Variants in HYCC2 observed in about 807,000 individuals in gnomAD.
HYCC2 encodes the protein hyccin 2.
chr2:201,018,532 A>G, the HYCC2 span, among the ~76,000 whole-genome samples: 1 of 152,234 alleles, frequency 6.6e-6, no homozygotes, highest in Non-Finnish European at 1.5e-5. Flanking sequence ...ATCCATGTCA[A>G]TTATACAGTT....
the HYCC2 span, among the ~76,000 whole-genome samples, chr2:201,048,693 T>A: frequency 6.6e-6 from 1 of 152,022 alleles, no homozygotes; most frequent in African/African-American, 2.4e-5. Context: ...GCACAGTCCT[T>A]AAAAAAGACA....
chr2:200,981,044 G>C, the HYCC2 span: 1 of 587,008 alleles, frequency 1.7e-6, no homozygotes, highest in Non-Finnish European at 3.0e-6. The surrounding 1 kb of genome is among the most constrained non-coding windows in gnomAD (Gnocchi z 4.5). Context: ...ATTTTATACT[G>C]CTTCACAAAC....
the HYCC2 span, among the ~76,000 whole-genome samples, chr2:201,065,261 T>A: frequency 3.9e-5 from 6 of 152,366 alleles, no homozygotes; most frequent in South Asian, 1.2e-3. Context: ...CCCATTCAAG[T>A]TGTTACATTT....
chr2:200,989,681 G>A, the HYCC2 span, among the ~76,000 whole-genome samples: 1 of 152,076 alleles, frequency 6.6e-6, no homozygotes, highest in South Asian at 2.1e-4. Flanking sequence ...GGGTGTGCTG[G>A]TATGCACCTG....
At chr2:201,017,246 C>T in the HYCC2 span, 6 of 1,034,484 alleles carry the variant, frequency 5.8e-6, no homozygotes, top group Non-Finnish European at 8.2e-6. Flanking sequence ...TTTAAGGCAC[C>T]TATATCTGTA....
the HYCC2 span, among the ~76,000 whole-genome samples, chr2:200,985,257 C>CT: frequency 6.6e-6 from 1 of 151,630 alleles, no homozygotes; most frequent in Non-Finnish European, 1.5e-5. Context: ...TTTTTTATTC[C>CT]TTTTTGTATT....
chr2:201,046,559 T>C, the HYCC2 span, among the ~76,000 whole-genome samples: 3 of 152,168 alleles, frequency 2.0e-5, no homozygotes, highest in African/African-American at 4.8e-5. Context: ...CTTGGGAATT[T>C]TGAACCACAA....
chr2:201,040,277 A>C, the HYCC2 span, among the ~76,000 whole-genome samples: 1 of 152,026 alleles, frequency 6.6e-6, no homozygotes, highest in African/African-American at 2.4e-5. Context: ...CAGGTGGCAC[A>C]ATGTAGTGGT....
At chr2:201,023,461 T>C in the HYCC2 span, among the ~76,000 whole-genome samples, 1 of 152,206 alleles carries the variant, frequency 6.6e-6, no homozygotes, top group African/African-American at 2.4e-5. Context: ...AATCACACAT[T>C]ATACCAACAT....
the HYCC2 span, chr2:200,996,221 G>T: frequency 1.3e-5 from 2 of 151,862 alleles, no homozygotes; most frequent in Admixed American, 1.3e-4. Flanking sequence ...ATAGAGACAG[G>T]GTTTCACCAC....
the HYCC2 span, among the ~76,000 whole-genome samples, chr2:201,060,499 T>C: frequency 1.3e-5 from 2 of 152,184 alleles, no homozygotes; most frequent in South Asian, 2.1e-4. Flanking sequence ...AGAACATAAA[T>C]GTGATGGCTG....
chr2:200,985,529 G>T, the HYCC2 span, among the ~76,000 whole-genome samples: 13 of 151,998 alleles, frequency 8.6e-5, no homozygotes, highest in Non-Finnish European at 1.8e-4. Flanking sequence ...CGGCTGTGGT[G>T]GCGTGCCTGT....
chr2:200,981,018 C>A, the HYCC2 span: 2 of 515,616 alleles, frequency 3.9e-6, no homozygotes, highest in Non-Finnish European at 7.0e-6. The surrounding 1 kb of genome is among the most constrained non-coding windows in gnomAD (Gnocchi z 4.5). Flanking sequence ...GAAAGGAAGG[C>A]ATGGAAAAGG....
chr2:201,032,530 T>C, the HYCC2 span, among the ~76,000 whole-genome samples: 2 of 152,246 alleles, frequency 1.3e-5, no homozygotes, highest in African/African-American at 2.4e-5. Flanking sequence ...TGTCTTAGTA[T>C]AAATTTTGTA....
At chr2:200,986,018 A>G in the HYCC2 span, among the ~76,000 whole-genome samples, 1 of 152,212 alleles carries the variant, frequency 6.6e-6, no homozygotes, top group Non-Finnish European at 1.5e-5. Context: ...AGGAATGTTC[A>G]GTTTAGGCCA....
chr2:201,008,427 C>T, the HYCC2 span, among the ~76,000 whole-genome samples: 1 of 152,164 alleles, frequency 6.6e-6, no homozygotes, highest in East Asian at 1.9e-4. Flanking sequence ...TCATACCAAA[C>T]TTGAACTGAA....
At chr2:201,066,449 C>T in the HYCC2 span, among the ~76,000 whole-genome samples, 5 of 152,180 alleles carry the variant, frequency 3.3e-5, no homozygotes, top group South Asian at 2.1e-4. Flanking sequence ...CCCATCCCCA[C>T]ACCTTTTTTC....
At chr2:201,023,910 AC>A in the HYCC2 span, 2 of 1,359,076 alleles carry the variant, frequency 1.5e-6, no homozygotes, top group Non-Finnish European at 2.1e-6. Flanking sequence ...AGTTTGAATT[AC>A]TGATGTATAG....
chr2:201,049,964 T>G, the HYCC2 span, among the ~76,000 whole-genome samples: 1 of 152,108 alleles, frequency 6.6e-6, no homozygotes, highest in Non-Finnish European at 1.5e-5. Context: ...CCTGCCAAAG[T>G]GCTGGGATTA....
Sources: gnomAD v4.1 joint callset for allele counts (sites outside exome capture counted in the v4.1 genomes callset) on GRCh38, gnomAD v4.1.1 for gene constraint, Gnocchi (gnomAD v3.1) non-coding constraint, MANE v1.5 for transcripts, NCBI Gene and HGNC (gene_info 2026-07-23, HGNC 2026-07-21) for gene names.